Variants in DRC1 observed in about 807,000 individuals in gnomAD.
DRC1 encodes dynein regulatory complex protein 1.
Under a neutral mutation model 98.7 loss-of-function variants are expected in DRC1, and 74 were observed. That is an observed-to-expected ratio of 0.75 (90% CI 0.62 to 0.91). DRC1 has a LOEUF of 0.91. DRC1 is among the 40% of genes least tolerant of loss of function. The pLI is 0.00. For synonymous variants in DRC1, 336 were observed against 334.1 expected, an observed-to-expected ratio of 1.01 and a Z score of -0.06; for missense variants, 875 against 886.0, an observed-to-expected ratio of 0.99 and a Z score of 0.16.
intron 12 of DRC1, among the ~76,000 whole-genome samples, chr2:26,450,350 G>A (rs1007923935): frequency 6.6e-6 from 1 of 152,124 alleles, no homozygotes; most frequent in East Asian, 1.9e-4. Flanking sequence ...CTCAAATCTG[G>A]TGCAGCCCCA....
chr2:26,449,816 G>A (rs1299234056), intron 11 of DRC1, among the ~76,000 whole-genome samples, 180 bp from the exon 12 acceptor site: 1 of 152,168 alleles, frequency 6.6e-6, no homozygotes, highest in East Asian at 1.9e-4. Flanking sequence ...TGCTCCCTGG[G>A]GAGGGGGGCG....
intron 3 of DRC1, among the ~76,000 whole-genome samples, chr2:26,422,005 G>A (rs955770942): frequency 1.3e-5 from 2 of 152,168 alleles, no homozygotes; most frequent in South Asian, 2.1e-4. Context: ...CCCATAATTC[G>A]TGGTAAAATA....
Position 26,453,496 on chromosome 2 carries a change from C to A in DRC1, c.1866C>A (p.Pro622=), listed in dbSNP as rs1664063937. The part of the protein sequence containing the change: ...ETPPSPWVIH[P]NDVLKILEAF... Reference sequence around the variant, plus strand: ...CACCCTCCCCCTGGGTCATCCACCCCAATGATGTCCTCAAGATTCTGGAGG... The same window carrying A: ...CACCCTCCCCCTGGGTCATCCACCCAAATGATGTCCTCAAGATTCTGGAGG... Residue 622 remains proline, a synonymous_variant, in exon 14 of 17, where the codon CCC becomes CCA. Coordinates refer to ENST00000288710, the MANE Select transcript of DRC1 (RefSeq NM_145038.5). The A allele has an allele frequency of 1.2e-6, 2 of 1,614,170 alleles. No homozygotes were observed. Among genetic ancestry groups the A allele is most frequent in the East Asian group, 4.5e-5 (2 of 44,886 alleles).
intron 2 of DRC1, among the ~76,000 whole-genome samples, chr2:26,417,810 T>C (rs10199018): frequency 6.6e-6 from 1 of 152,202 alleles, no homozygotes; most frequent in Non-Finnish European, 1.5e-5. Flanking sequence ...GGTATATAAA[T>C]GTACAGTTGA....
chr2:26,416,781 T>A (rs1389672099), intron 2 of DRC1, among the ~76,000 whole-genome samples: 1 of 152,224 alleles, frequency 6.6e-6, no homozygotes. Context: ...TCTATATGTC[T>A]GTCTGTATTA....
chr2:26,434,030 G>A (rs148815719), intron 7 of DRC1, among the ~76,000 whole-genome samples: 2 of 152,306 alleles, frequency 1.3e-5, no homozygotes, highest in African/African-American at 4.8e-5. Flanking sequence ...ATTTTCACTA[G>A]ACATTCAAGC....
rs559350489 is a variant in DRC1 at position 26,420,448 on chromosome 2, G to A, written c.244-840G>A. On this transcript the variant is annotated intron_variant, in intron 2 of 16. Transcript: ENST00000288710. ...TTACCTGCCTCACCTCCCCAACTGA[G>A]GTTCTTCGAAAGGCTCCCGGCAGTG... is the stretch of plus-strand genomic sequence containing the variant. 2.9e-3 allele frequency among the ~76,000 whole-genome samples: 436 copies of A among 152,252 alleles called. 4 individuals carry two copies. The highest frequency in any genetic ancestry group is 0.01 in the African/African-American group (416 of 41,546).
intron 7 of DRC1, among the ~76,000 whole-genome samples, chr2:26,439,538 C>G (rs980986036): frequency 1.3e-5 from 2 of 152,126 alleles, no homozygotes; most frequent in African/African-American, 4.8e-5. Flanking sequence ...GTAAGGATGA[C>G]TGTGTTTGTC....
chr2:26,443,369 C>G (rs891054923), intron 8 of DRC1, among the ~76,000 whole-genome samples: 4 of 152,144 alleles, frequency 2.6e-5, no homozygotes, highest in African/African-American at 9.7e-5. Context: ...CACAGAGCTC[C>G]TGTTAGCAGT....
chr2:26,432,092 G>T, intron 7 of DRC1, 86 bp downstream of exon 7: 1 of 1,508,396 alleles, frequency 6.6e-7, no homozygotes, highest in Non-Finnish European at 8.9e-7. Context: ...GCAACTACCT[G>T]TGATATTCTA....
intron 1 of DRC1, among the ~76,000 whole-genome samples, chr2:26,413,872 T>G (rs893398216): frequency 4.6e-5 from 7 of 152,024 alleles, no homozygotes; most frequent in African/African-American, 1.7e-4. Flanking sequence ...TATATAGATA[T>G]TCTCCTGTAT....
chr2:26,453,380 T>A lies in DRC1; in HGVS notation c.1750T>A (p.Ser584Thr), dbSNP rs147712523. Residue 584 changes from serine to threonine, a missense_variant, in exon 14 of 17, where the codon TCA (serine) becomes ACA (threonine). By Grantham distance (58) the Ser-to-Thr change is moderately conservative. Transcript: ENST00000288710. ...GAGCATGGAGGAGACAAGCACGAGGTCAGAATTGGAGCTGGCAGAGCAGAC... is the reference window on the plus strand; with the variant it reads ...GAGCATGGAGGAGACAAGCACGAGGACAGAATTGGAGCTGGCAGAGCAGAC... Reference protein sequence around the residue: ...KASMEETSTRSELELAEQTEM... With the variant: ...KASMEETSTRTELELAEQTEM... 1,181 of 1,613,814 alleles carry A rather than the reference T, an allele frequency of 7.3e-4. 2 individuals are homozygous for A. The highest frequency in any genetic ancestry group is 1.7e-3 in the Admixed American group (104 of 59,992).
At chr2:26,452,198 C>T (rs182476133) in intron 13 of DRC1, among the ~76,000 whole-genome samples, 24 of 152,256 alleles carry the variant, frequency 1.6e-4, no homozygotes, top group Admixed American at 3.3e-4. Flanking sequence ...AAATTGTAAC[C>T]TCCATTGAGG....
intron 7 of DRC1, among the ~76,000 whole-genome samples, chr2:26,437,702 A>G (rs900675360): frequency 4.6e-5 from 7 of 152,180 alleles, no homozygotes; most frequent in African/African-American, 1.7e-4. Context: ...TATTAAAAGT[A>G]TATATAACTA....
intron 10 of DRC1, among the ~76,000 whole-genome samples, chr2:26,447,516 T>C (rs1384868967): frequency 3.3e-5 from 5 of 152,164 alleles, no homozygotes; most frequent in African/African-American, 1.2e-4. Flanking sequence ...CGTTTTGCTT[T>C]TGATTATTAG....
chr2:26,437,105 T>C (rs995852309), intron 7 of DRC1, among the ~76,000 whole-genome samples: 1 of 152,132 alleles, frequency 6.6e-6, no homozygotes, highest in African/African-American at 2.4e-5. Flanking sequence ...ATGACCAAGG[T>C]TGGTAACATT....
intron 4 of DRC1, 46 bp from the exon 5 acceptor site, chr2:26,429,582 G>T: frequency 1.9e-6 from 3 of 1,603,786 alleles, no homozygotes; most frequent in Non-Finnish European, 2.6e-6. Context: ...GGCACCTTCT[G>T]CTCCTGACAC....
At position 26,444,294 on chromosome 2, in the gene DRC1, G is replaced by A; in HGVS notation, c.1101G>A (p.Gln367=). The change falls in exon 9 of 17, where the codon CAG becomes CAA. Residue 367 remains glutamine, a synonymous_variant. Coordinates refer to ENST00000288710, the MANE Select transcript of DRC1 (RefSeq NM_145038.5). Reference sequence around the variant, plus strand: ...TAAAGCAGTTTCAGGAGGAGAACCAGTCTCTAACCTCGGACTACAAACGTC... The same window carrying A: ...TAAAGCAGTTTCAGGAGGAGAACCAATCTCTAACCTCGGACTACAAACGTC... ...KQIKQFQEEN[Q]SLTSDYKRLV... is the part of the protein sequence containing the mutation. The A allele has an allele frequency of 6.2e-7, 1 of 1,614,190 alleles. No homozygotes were observed.
Position 26,454,904 on chromosome 2 carries a change from G to T in DRC1, c.2063+114G>T. 1 of 1,539,512 alleles carries T rather than the reference G, an allele frequency of 6.5e-7. No homozygotes were observed. Among genetic ancestry groups the T allele is most frequent in the South Asian group, 1.2e-5 (1 of 82,380 alleles). On this transcript the variant is annotated intron_variant, in intron 15 of 16. Coordinates refer to ENST00000288710, the MANE Select transcript of DRC1 (RefSeq NM_145038.5). The surrounding 1 kb of genome is among the most constrained non-coding windows in gnomAD (Gnocchi z 5.2). ...CCACTGAACCTGGGAGGGAAGAGCT[G>T]CCCTTGGCATCTCCTGTGTGGGTGG...
Sources: allele counts gnomAD v4.1 joint callset (sites outside exome capture counted in the v4.1 genomes callset), GRCh38; gene constraint gnomAD v4.1.1; non-coding constraint Gnocchi (gnomAD v3.1); transcripts MANE v1.5; gene names NCBI Gene and HGNC (gene_info 2026-07-23, HGNC 2026-07-21).